The following NREP variants were observed in gnomAD, a reference collection of about 807,000 sequenced individuals.
NREP encodes the protein neuronal regeneration-related protein.
A neutral mutation model predicts 8.6 loss-of-function variants in NREP; 5 were observed. The ratio of observed to expected loss-of-function variants is 0.58; its 90% CI spans 0.30 to 1.22. The LOEUF is 1.22. Ranked by LOEUF, NREP falls within the 50% of genes most tolerant of loss-of-function variation. The pLI, the probability that NREP is intolerant of heterozygous loss-of-function variation, is 0.07. For missense variants in NREP, 86 were observed against 82.5 expected (o/e 1.04, Z -0.17); for synonymous variants, 27 against 28.0 (o/e 0.96, Z 0.11).
chr5:111,849,860 G>A (rs540781824), intron 2 of NREP, among the ~76,000 whole-genome samples: 5 of 151,996 alleles, frequency 3.3e-5, no homozygotes, highest in East Asian at 1.9e-4. Flanking sequence ...CTTCCTTCCC[G>A]CAGTCTTGAA....
intron 2 of NREP, among the ~76,000 whole-genome samples, chr5:111,945,914 G>C (rs988467574): frequency 6.6e-6 from 1 of 151,940 alleles, no homozygotes; most frequent in African/African-American, 2.4e-5. Flanking sequence ...CTTGGATCTT[G>C]TGCCCAACCC....
chr5:111,904,314 T>C (rs532408868), intron 2 of NREP, among the ~76,000 whole-genome samples: 4 of 152,292 alleles, frequency 2.6e-5, no homozygotes, highest in South Asian at 2.1e-4. Flanking sequence ...GGTAGTATCA[T>C]AGCTGTATGA....
intron 3 of NREP, chr5:111,734,634 C>A: frequency 1.6e-6 from 1 of 612,196 alleles, no homozygotes; most frequent in Non-Finnish European, 3.0e-6. Flanking sequence ...ATTTCTTAAA[C>A]ATTGAAATAC....
At chr5:111,841,891 G>C (rs1263175951) in intron 2 of NREP, among the ~76,000 whole-genome samples, 1 of 152,080 alleles carries the variant, frequency 6.6e-6, no homozygotes, top group East Asian at 1.9e-4. Context: ...TAGATTGGAA[G>C]GCTAGAGTCC....
At chr5:111,901,663 C>T (rs1268229149) in intron 2 of NREP, among the ~76,000 whole-genome samples, 6 of 151,966 alleles carry the variant, frequency 3.9e-5, no homozygotes, top group Non-Finnish European at 7.4e-5. Context: ...TTTCTAGACA[C>T]TAATAAACAA....
chr5:111,744,105 T>C (rs967506957), intron 2 of NREP, among the ~76,000 whole-genome samples: 1 of 152,172 alleles, frequency 6.6e-6, no homozygotes. Flanking sequence ...CTTGTTGACA[T>C]GTGCAAGACA....
chr5:111,882,662 T>G (rs1374363450), intron 2 of NREP, among the ~76,000 whole-genome samples: 9 of 151,910 alleles, frequency 5.9e-5, no homozygotes, highest in African/African-American at 2.2e-4. Flanking sequence ...CAGAAAAGAG[T>G]GGGGGCCAAT....
chr5:111,906,747 T>G (rs931176901), intron 2 of NREP, among the ~76,000 whole-genome samples: 3 of 152,042 alleles, frequency 2.0e-5, no homozygotes, highest in Non-Finnish European at 1.5e-5. Flanking sequence ...TGTTTTAATT[T>G]GCATTTCTCT....
intron 2 of NREP, among the ~76,000 whole-genome samples, chr5:111,791,208 C>A (rs562319209): frequency 1.3e-5 from 2 of 152,212 alleles, no homozygotes; most frequent in South Asian, 2.1e-4. Context: ...CACATTCTTA[C>A]CACTTTTTTG....
At chr5:111,880,088 C>T (rs1754012834) in intron 2 of NREP, among the ~76,000 whole-genome samples, 1 of 152,136 alleles carries the variant, frequency 6.6e-6, no homozygotes, top group Non-Finnish European at 1.5e-5. Context: ...AAATTCAGAG[C>T]ATGTATTCTT....
chr5:111,798,614 C>A (rs1354130782), intron 2 of NREP, among the ~76,000 whole-genome samples: 1 of 152,108 alleles, frequency 6.6e-6, no homozygotes, highest in Non-Finnish European at 1.5e-5. Context: ...TGAATGAGAA[C>A]ATACAATGTT....
At chr5:111,915,677 C>T (rs1755036562) in intron 2 of NREP, among the ~76,000 whole-genome samples, 1 of 152,134 alleles carries the variant, frequency 6.6e-6, no homozygotes, top group Non-Finnish European at 1.5e-5. Flanking sequence ...CATTCCCTCA[C>T]ACATGCACCT....
intron 2 of NREP, among the ~76,000 whole-genome samples, chr5:111,768,090 T>A (rs990753373): frequency 3.9e-5 from 6 of 152,206 alleles, no homozygotes; most frequent in African/African-American, 1.4e-4. Context: ...ATCTATAGGA[T>A]AATATGCATA....
chr5:111,824,142 G>C (rs773199981), intron 2 of NREP, among the ~76,000 whole-genome samples: 2 of 152,130 alleles, frequency 1.3e-5, no homozygotes, highest in Non-Finnish European at 2.9e-5. Context: ...AGGCTGAGTC[G>C]GGCGGATCAC....
upstream of NREP, chr5:111,757,667 C>G (rs1750818786): frequency 1.0e-6 from 1 of 983,630 alleles, no homozygotes; most frequent in South Asian, 4.7e-5. Flanking sequence ...CCGCGCCGTC[C>G]CCACTGCACC....
intron 2 of NREP, among the ~76,000 whole-genome samples, chr5:111,974,185 AT>A (rs1463465225): frequency 6.6e-6 from 1 of 152,144 alleles, no homozygotes; most frequent in East Asian, 1.9e-4. Flanking sequence ...ATTTCTGCCA[AT>A]TATTCTGGGT....
chr5:111,856,586 A>C (rs1431315752), intron 2 of NREP, among the ~76,000 whole-genome samples: 3 of 152,130 alleles, frequency 2.0e-5, no homozygotes, highest in African/African-American at 7.2e-5. Context: ...TTAGTAACTA[A>C]TCTGCACACT....
At chr5:111,897,370 A>G (rs200408908) in intron 2 of NREP, among the ~76,000 whole-genome samples, 1 of 152,304 alleles carries the variant, frequency 6.6e-6, no homozygotes, top group East Asian at 1.9e-4. Context: ...CTACAAGGCA[A>G]CTCACACTAT....
At chr5:111,945,177 T>A (rs982923708) in intron 2 of NREP, among the ~76,000 whole-genome samples, 1 of 152,134 alleles carries the variant, frequency 6.6e-6, no homozygotes. Flanking sequence ...TCATGCTATT[T>A]CCAAAATTTA....
Sources: gnomAD v4.1 joint callset for allele counts (sites outside exome capture counted in the v4.1 genomes callset) on GRCh38, gnomAD v4.1.1 for gene constraint, MANE v1.5 for transcripts, NCBI Gene and HGNC (gene_info 2026-07-23, HGNC 2026-07-21) for gene names.